Variants in STARD3 observed in about 807,000 individuals in gnomAD.
STARD3 encodes the protein stAR-related lipid transfer protein 3.
STARD3 carries 39 observed loss-of-function variants against 62.0 expected under a neutral mutation model. The observed-to-expected ratio is 0.63, with a 90% confidence interval of 0.49 to 0.82. The LOEUF is 0.82. STARD3 is among the 40% of genes least tolerant of loss of function. The pLI, the probability that STARD3 is intolerant of heterozygous loss-of-function variation, is 0.00. For missense variants in STARD3, 543 were observed against 584.5 expected (o/e 0.93, Z 0.73); for synonymous variants, 229 against 242.4 (o/e 0.94, Z 0.51).
chr17:39,651,105 C>T (rs1374392052), intron 1 of STARD3, among the ~76,000 whole-genome samples: 1 of 152,218 alleles, frequency 6.6e-6, no homozygotes, highest in East Asian at 1.9e-4. Flanking sequence ...CCAGCTTTTC[C>T]GTAGCACTGT....
At chr17:39,639,367 GTGTTACA>G (rs893280289) in intron 1 of STARD3, among the ~76,000 whole-genome samples, 50 of 152,328 alleles carry the variant, frequency 3.3e-4, no homozygotes, top group Middle Eastern at 6.8e-3. Flanking sequence ...AAGTGTGTGT[GTGTTACA>G]TGGCAAGCAT....
intron 4 of STARD3, 58 bp downstream of exon 4, chr17:39,657,910 G>A (rs2145016658): frequency 6.2e-7 from 1 of 1,613,160 alleles, no homozygotes; most frequent in South Asian, 1.1e-5. Flanking sequence ...GGAAGGGATG[G>A]GATGGAGGAG....
At chr17:39,637,349 C>T (rs1427362380) in intron 1 of STARD3, 118 bp downstream of exon 1, 1 of 152,332 alleles carries the variant, frequency 6.6e-6, no homozygotes, top group African/African-American at 2.4e-5. Flanking sequence ...CCCACACCCG[C>T]TGCGTCTCAG....
chr17:39,653,193 G>T (rs932960694), intron 1 of STARD3: 1 of 395,264 alleles, frequency 2.5e-6, no homozygotes, highest in Non-Finnish European at 4.7e-6. Context: ...GATCCAGGAG[G>T]GGGTAGGTGC....
intron 2 of STARD3, among the ~76,000 whole-genome samples, chr17:39,655,408 T>A (rs1464926158): frequency 6.6e-6 from 1 of 151,700 alleles, no homozygotes; most frequent in Non-Finnish European, 1.5e-5. Flanking sequence ...GGTCTCAAAC[T>A]CCTGGGCTCA....
chr17:39,637,949 GCCCTT>G (rs1006842415), intron 1 of STARD3, among the ~76,000 whole-genome samples: 10 of 152,120 alleles, frequency 6.6e-5, no homozygotes, highest in African/African-American at 2.2e-4. Flanking sequence ...CTTCAGCGCA[GCCCTT>G]CCCTGGAGCT....
In STARD3 at chr17:39,662,912, T is replaced by A. The variant is rs1293780316; in HGVS notation, c.*4T>A. The A allele has an allele frequency of 6.2e-7, 1 of 1,608,606 alleles. No individual in the cohort carries two copies. On this transcript the variant is annotated 3_prime_UTR_variant, in exon 15 of 15. Coordinates refer to ENST00000336308, the MANE Select transcript of STARD3 (RefSeq NM_006804.4). The stretch of plus-strand genomic sequence containing the variant: ...CGAGCTGGGGGCCCGGGCGTGACTG[T>A]GCCCCCTCCCACCCTGCGGGCCAGG...
At chr17:39,657,947 C>T (rs1405151280) in intron 4 of STARD3, 26 bp from the exon 5 acceptor site, 2 of 1,604,558 alleles carry the variant, frequency 1.2e-6, no homozygotes, top group Middle Eastern at 1.7e-4. Context: ...TCTGCCTTCC[C>T]CTTCCTCCCT....
intron 1 of STARD3, among the ~76,000 whole-genome samples, chr17:39,644,528 G>A (rs2057007378): frequency 6.6e-6 from 1 of 152,012 alleles, no homozygotes; most frequent in South Asian, 2.1e-4. Context: ...TGAGTAGGTG[G>A]CTTTGTTCAA....
Position 39,663,170 on chromosome 17 carries a change from CTCTGCCCCACCTTGCCAGGGCAGGG to C in STARD3, c.*267_*291del, listed in dbSNP as rs1474995330. ...CCCTGCCTCCTGGAGGACCAGATTGCTCTGCCCCACCTTGCCAGGGCAGGGTCTGGGCTGGGCACCTGACTTGGCT... is the reference window on the plus strand; with the variant it reads ...CCCTGCCTCCTGGAGGACCAGATTGCTCTGGGCTGGGCACCTGACTTGGCT... On this transcript the variant is annotated 3_prime_UTR_variant, in exon 15 of 15. Transcript: ENST00000336308. 2.2e-6 allele frequency: 1 copy of C among 449,548 alleles called. No individual in the cohort carries two copies. Among genetic ancestry groups the C allele is most frequent in the Non-Finnish European group, 3.9e-6 (1 of 256,246 alleles). The allele number at this position is 449,548 out of a possible 1,614,324, so 27.8% of individuals were successfully genotyped here.
chr17:39,647,430 A>G (rs1458784616), intron 1 of STARD3, among the ~76,000 whole-genome samples: 1 of 151,662 alleles, frequency 6.6e-6, no homozygotes, highest in African/African-American at 2.4e-5. Flanking sequence ...TGCTGCTCCC[A>G]GGGGGCTGGG....
At chr17:39,639,358 A>AGT (rs937403084) in intron 1 of STARD3, among the ~76,000 whole-genome samples, 3 of 152,270 alleles carry the variant, frequency 2.0e-5, no homozygotes, top group African/African-American at 7.2e-5. Flanking sequence ...CCAGTCTGGA[A>AGT]GTGTGTGTGT....
intron 1 of STARD3, among the ~76,000 whole-genome samples, chr17:39,645,669 A>C (rs1456905386): frequency 1.3e-5 from 2 of 152,052 alleles, no homozygotes; most frequent in African/African-American, 2.4e-5. Flanking sequence ...ACGAGGTTTC[A>C]GCATGTTGGC....
chr17:39,659,641 T>A, intron 9 of STARD3, 88 bp downstream of exon 9: 1 of 1,426,214 alleles, frequency 7.0e-7, no homozygotes, highest in Non-Finnish European at 9.7e-7. Flanking sequence ...ACCCAAAGAT[T>A]ACATGGGTTG....
rs1415052021 is a variant in STARD3 at position 39,663,782 on chromosome 17, C to T, written c.*874C>T. On this transcript the variant is annotated 3_prime_UTR_variant, in exon 15 of 15. Coordinates refer to ENST00000336308, the MANE Select transcript of STARD3 (RefSeq NM_006804.4). ...GGAATGGAGGTGGGGGTATGGGCAC[C>T]TGGCAGTGCCCACAGCAAGCCTTGA... is the stretch of plus-strand genomic sequence containing the variant. 6.6e-6 allele frequency among the ~76,000 whole-genome samples: 1 copy of T among 152,180 alleles called. No individual in the cohort carries two copies. The highest frequency in any genetic ancestry group is 1.5e-5 in the Non-Finnish European group (1 of 68,020).
At chr17:39,645,362 T>C (rs994925023) in intron 1 of STARD3, among the ~76,000 whole-genome samples, 1 of 152,250 alleles carries the variant, frequency 6.6e-6, no homozygotes, top group Admixed American at 6.5e-5. Context: ...AGGTGAATTG[T>C]AGAGTTCAGA....
At chr17:39,651,050 C>T (rs749316712) in intron 1 of STARD3, among the ~76,000 whole-genome samples, 13 of 152,222 alleles carry the variant, frequency 8.5e-5, no homozygotes, top group African/African-American at 2.4e-4. Flanking sequence ...CCATTGCCAG[C>T]GGCCTGTCAC....
chr17:39,648,113 A>G (rs990543870), intron 1 of STARD3, among the ~76,000 whole-genome samples: 1 of 151,902 alleles, frequency 6.6e-6, no homozygotes, highest in Admixed American at 6.6e-5. Flanking sequence ...GTGAAACCCC[A>G]TCTCCACTAA....
chr17:39,644,595 G>T (rs1280998622), intron 1 of STARD3, among the ~76,000 whole-genome samples: 1 of 151,116 alleles, frequency 6.6e-6, no homozygotes, highest in Non-Finnish European at 1.5e-5. Flanking sequence ...CAGCACTTTG[G>T]GAGGCCAAGG....
Sources: gnomAD v4.1 joint callset for allele counts (sites outside exome capture counted in the v4.1 genomes callset) on GRCh38, gnomAD v4.1.1 for gene constraint, MANE v1.5 for transcripts, NCBI Gene and HGNC (gene_info 2026-07-23, HGNC 2026-07-21) for gene names.